CYC1: variants seen among roughly 807,000 people sequenced by gnomAD.
The protein encoded by CYC1 is cytochrome c1.
A neutral mutation model predicts 33.8 loss-of-function variants in CYC1; 10 were observed. The ratio of observed to expected loss-of-function variants is 0.30; its 90% confidence interval spans 0.18 to 0.50. CYC1 has a LOEUF of 0.50. Ranked by LOEUF, CYC1 falls within the 20% of genes least tolerant of loss-of-function variation. The pLI, the probability that CYC1 is intolerant of heterozygous loss-of-function variation, is 0.98. For synonymous variants in CYC1, 224 were observed against 181.9 expected (o/e 1.23, Z -1.86); for missense variants, 459 against 437.6 (o/e 1.05, Z -0.44).
rs368429357 is a variant in CYC1, at chr8:144,095,857, G to C, written c.154G>C (p.Gly52Arg). ...PQAVALSSKS[G>R]LSRGRKVMLS... The stretch of plus-strand genomic sequence containing the variant: ...GGCAGTGGCCTTGTCGTCGAAGTCT[G>C]GCCTTTCCCGAGGCCGGAAAGTGAT... Residue 52 changes from glycine to arginine, a missense_variant, in exon 2 of 7, where the codon GGC (glycine) becomes CGC (arginine). Physicochemically the swap from Gly to Arg is moderately radical, Grantham distance 125. Transcript: ENST00000318911. 4.8e-5 allele frequency: 77 copies of C among 1,608,478 alleles called. No individual in the cohort carries two copies. Among genetic ancestry groups the C allele is most frequent in the Non-Finnish European group, 6.4e-5 (75 of 1,179,774 alleles).
chr8:144,095,237 T>A lies in CYC1; in HGVS notation c.129+9T>A. ...CGCTACGGACACCTCAGGTGAGCGC[T>A]GGGCCGGGCCCCGGCCTCCGCGCGG... On this transcript the variant is annotated intron_variant, in intron 1 of 6. Coordinates refer to ENST00000318911, the MANE Select transcript of CYC1 (RefSeq NM_001916.5). 8.3e-7 allele frequency: 1 copy of A among 1,198,726 alleles called. No homozygotes were observed. Among genetic ancestry groups the A allele is most frequent in the Non-Finnish European group, 1.0e-6 (1 of 966,758 alleles). The allele number at this position is 1,198,726 out of a possible 1,614,324, so 74.3% of individuals were successfully genotyped here.
In CYC1 at chr8:144,095,126, C is replaced by G. The variant is rs1381782055; in HGVS notation, c.27C>G (p.Arg9=). The change falls in exon 1 of 7, where the codon CGC becomes CGG. Residue 9 remains arginine, a synonymous_variant. Transcript: ENST00000318911. ...TGGCGGCAGCTGCGGCTTCGCTTCGCGGGGTAGTGTTGGGCCCGCGGGGCG... is the reference window on the plus strand; with the variant it reads ...TGGCGGCAGCTGCGGCTTCGCTTCGGGGGGTAGTGTTGGGCCCGCGGGGCG... MAAAAASL[R]GVVLGPRGAG... 1.7e-6 allele frequency: 2 copies of G among 1,210,770 alleles called. No individual in the cohort carries two copies. The highest frequency in any genetic ancestry group is 2.1e-6 in the Non-Finnish European group (2 of 973,074). The allele number at this position is 1,210,770 out of a possible 1,614,324, so 75.0% of individuals were successfully genotyped here. A position where few individuals can be genotyped will look rare whatever the true frequency, so the allele number is the denominator to read the frequency against.
At chr8:144,095,307 G>C (rs1836127309) in intron 1 of CYC1, 79 bp downstream of exon 1, 2 of 1,143,104 alleles carry the variant, frequency 1.7e-6, no homozygotes, top group Non-Finnish European at 1.1e-6. Flanking sequence ...TGCGGGCGCG[G>C]GCCTGGGCAG....
intron 1 of CYC1, 143 bp from the exon 2 acceptor site, chr8:144,095,690 G>A: frequency 4.9e-6 from 4 of 808,814 alleles, no homozygotes; most frequent in Admixed American, 2.5e-5. Flanking sequence ...GGCGGAGAGG[G>A]ATGGGGTGGG....
In CYC1 at chr8:144,096,458, C is replaced by G. The variant is rs1235404684; in HGVS notation, c.575C>G (p.Ala192Gly). 1 of 1,614,158 alleles carries G rather than the reference C, an allele frequency of 6.2e-7. No individual in the cohort carries two copies. Among genetic ancestry groups the G allele is most frequent in the East Asian group, 2.2e-5 (1 of 44,870 alleles). ...SEAARAANNG[A>G]LPPDLSYIVR... Reference sequence around the variant, plus strand: ...GCTGCTCGAGCTGCCAACAACGGAGCATTGCCCCCTGACCTCAGCTACATC... The same window carrying G: ...GCTGCTCGAGCTGCCAACAACGGAGGATTGCCCCCTGACCTCAGCTACATC... Residue 192 changes from alanine (A) to glycine (G), a missense_variant, in exon 4 of 7, where the codon GCA becomes GGA. Coordinates refer to ENST00000318911, the MANE Select transcript of CYC1 (RefSeq NM_001916.5).
At position 144,096,437 on chromosome 8, in the gene CYC1, C is replaced by T. The variant is rs371001108; in HGVS notation, c.554C>T (p.Ala185Val). The T allele has an allele frequency of 1.2e-6, 2 of 1,614,034 alleles. No homozygotes were observed. Among genetic ancestry groups the T allele is most frequent in the Admixed American group, 1.7e-5 (1 of 60,006 alleles). Residue 185 changes from alanine (A) to valine (V), a missense_variant, in exon 4 of 7, where the codon GCT becomes GTT. By Grantham distance (64) the Ala-to-Val change is moderately conservative. Transcript: ENST00000318911. ...AAACCATACCCCAACAGTGAGGCTGCTCGAGCTGCCAACAACGGAGCATTG... is the reference window on the plus strand; with the variant it reads ...AAACCATACCCCAACAGTGAGGCTGTTCGAGCTGCCAACAACGGAGCATTG... ...FPKPYPNSEA[A>V]RAANNGALPP... is the part of the protein sequence containing the mutation.
intron 1 of CYC1, chr8:144,095,484 C>T (rs1836131081): frequency 2.3e-6 from 1 of 435,948 alleles, no homozygotes; most frequent in Non-Finnish European, 4.0e-6. Flanking sequence ...GGGGCTTTCC[C>T]GAATGGCGCG....
rs1261014559 is a variant in CYC1 at position 144,095,882 on chromosome 8, T to C, written c.179T>C (p.Met60Thr). ...KSGLSRGRKV[M>T]LSALGMLAAG... ...GGCCTTTCCCGAGGCCGGAAAGTGA[T>C]GCTGTCAGCGCTGGGCATGCTGGCG... The change falls in exon 2 of 7, where the codon ATG (methionine) becomes ACG (threonine). Residue 60 changes from methionine to threonine, a missense_variant. Physicochemically the swap from Met to Thr is moderately conservative, Grantham distance 81. Transcript: ENST00000318911. 2 of 1,609,234 alleles carry C rather than the reference T, an allele frequency of 1.2e-6. No homozygotes were observed. Among genetic ancestry groups the C allele is most frequent in the Middle Eastern group, 1.7e-4 (1 of 6,050 alleles).
At chr8:144,096,789 CACT>C (rs748861983) in intron 5 of CYC1, 45 bp downstream of exon 5, 1 of 19,970 alleles carries the variant, frequency 5.0e-5, no homozygotes, top group South Asian at 1.8e-3. Context: ...AATACTTCTC[CACT>C]ACCCCCAGGG....
Position 144,096,014 on chromosome 8 carries a change from C to A in CYC1, c.311C>A (p.Ser104Tyr), listed in dbSNP as rs1461673904. ...YPWSHRGLLS[S>Y]LDHTSIRRGF... ...TGGTCTCACCGTGGCCTCCTCTCTT[C>A]CTTGGACCACACCAGGTGTGCAGCT... is the stretch of plus-strand genomic sequence containing the variant. Residue 104 changes from serine to tyrosine, a missense_variant, in exon 2 of 7, where the codon TCC becomes TAC. Transcript: ENST00000318911. 1 of 1,604,628 alleles carries A rather than the reference C, an allele frequency of 6.2e-7. No individual in the cohort carries two copies. The highest frequency in any genetic ancestry group is 8.5e-7 in the Non-Finnish European group (1 of 1,178,164).
Position 144,095,218 on chromosome 8 carries a change from G to A in CYC1, c.119G>A (p.Arg40Gln), listed in dbSNP as rs1836125525. 1 of 1,200,624 alleles carries A rather than the reference G, an allele frequency of 8.3e-7. No individual in the cohort carries two copies. The highest frequency in any genetic ancestry group is 1.0e-6 in the Non-Finnish European group (1 of 967,304). The allele number at this position is 1,200,624 out of a possible 1,614,324, so 74.4% of individuals were successfully genotyped here. A position where few individuals can be genotyped will look rare whatever the true frequency, so the allele number is the denominator to read the frequency against. Residue 40 changes from arginine to glutamine, a missense_variant, in exon 1 of 7, where the codon CGG becomes CAG. Physicochemically the swap from Arg to Gln is conservative, Grantham distance 43. Transcript: ENST00000318911. ...GCGCGTCCCGGGCAGCTCCCGCTACGGACACCTCAGGTGAGCGCTGGGCCG... is the reference window on the plus strand; with the variant it reads ...GCGCGTCCCGGGCAGCTCCCGCTACAGACACCTCAGGTGAGCGCTGGGCCG... The part of the protein sequence containing the change: ...CSARPGQLPL[R>Q]TPQAVALSSK...
rs1564310415 is a variant in CYC1, at chr8:144,096,002, G to A, written c.299G>A (p.Gly100Asp). ...CCCAGCTATCCGTGGTCTCACCGTG[G>A]CCTCCTCTCTTCCTTGGACCACACC... ...HPPSYPWSHR[G>D]LLSSLDHTSI... is the part of the protein sequence containing the mutation. Residue 100 changes from glycine to aspartate, a missense_variant, in exon 2 of 7, where the codon GGC becomes GAC. By Grantham distance (94) the Gly-to-Asp change is moderately conservative. Coordinates refer to ENST00000318911, the MANE Select transcript of CYC1 (RefSeq NM_001916.5). 4.4e-6 allele frequency: 7 copies of A among 1,605,634 alleles called. No homozygotes were observed. The Admixed American group carries it at 6.7e-5, about 15-fold the overall frequency.
Position 144,095,161 on chromosome 8 carries a change from CG to C in CYC1, c.65del (p.Gly22AlafsTer38). ...VVLGPRGAGLPGARARGLLCS... is the reference protein window; with the variant it reads ...VVLGPRGAGLXGARARGLLCS... ...TTGGGCCCGCGGGGCGCGGGGCTCC[CG>C]GGCGCGCGTGCCCGGGGTCTGCTGT... On this transcript the variant is annotated frameshift_variant, in exon 1 of 7. Coordinates refer to ENST00000318911, the MANE Select transcript of CYC1 (RefSeq NM_001916.5). LOFTEE classifies it high-confidence loss of function. 8.3e-7 allele frequency: 1 copy of C among 1,209,822 alleles called. No individual in the cohort carries two copies. The highest frequency in any genetic ancestry group is 1.0e-6 in the Non-Finnish European group (1 of 973,084). The allele number at this position is 1,209,822 out of a possible 1,614,324, so 74.9% of individuals were successfully genotyped here. A position where few individuals can be genotyped will look rare whatever the true frequency, so the allele number is the denominator to read the frequency against.
At chr8:144,097,192 C>T in intron 6 of CYC1, 40 bp from the exon 7 acceptor site, 2 of 1,608,678 alleles carry the variant, frequency 1.2e-6, no homozygotes, top group Admixed American at 1.7e-5. Context: ...CTGGGCAGGG[C>T]TCCTCCCCAC....
At position 144,097,040 on chromosome 8, in the gene CYC1, C is replaced by T. The variant is rs762116945; in HGVS notation, c.779C>T (p.Pro260Leu). 36 of 1,605,614 alleles carry T rather than the reference C, an allele frequency of 2.2e-5. No individual in the cohort carries two copies. In the East Asian group the frequency reaches 7.6e-4, roughly 34 times the overall value. ...ACTGCTTGTCGTTGGCCAGGCACCC[C>T]AGCTACCATGTCCCAGATAGCCAAG... Reference protein sequence around the residue: ...TDVLEFDDGTPATMSQIAKDV... With the variant: ...TDVLEFDDGTLATMSQIAKDV... The change falls in exon 6 of 7, where the codon CCA becomes CTA. Residue 260 changes from proline to leucine, a missense_variant. By Grantham distance (98) the Pro-to-Leu change is moderately conservative. Transcript: ENST00000318911.
chr8:144,096,578 T>C lies in CYC1; in HGVS notation c.612-6T>C. On this transcript the variant is annotated splice_region_variant and splice_polypyrimidine_tract_variant and intron_variant, in intron 4 of 6. Transcript: ENST00000318911. ...TGGAACTAAGGAGCCATGGATCTGGTCCTAGGCATGGTGGTGAGGACTACG... is the reference window on the plus strand; with the variant it reads ...TGGAACTAAGGAGCCATGGATCTGGCCCTAGGCATGGTGGTGAGGACTACG... 1 of 1,614,010 alleles carries C rather than the reference T, an allele frequency of 6.2e-7. No individual in the cohort carries two copies. The highest frequency in any genetic ancestry group is 8.5e-7 in the Non-Finnish European group (1 of 1,179,970).
In CYC1 at chr8:144,097,227, TG is replaced by T. The variant is rs759722273; in HGVS notation, c.874-4del. On this transcript the variant is annotated splice_polypyrimidine_tract_variant and splice_region_variant and intron_variant, in intron 6 of 6. Coordinates refer to ENST00000318911, the MANE Select transcript of CYC1 (RefSeq NM_001916.5). ...CTCCCTTCTCTGAGCCTTCCTTGTCTGCAGATGTTGATGATGATGGCTCTGC... is the reference window on the plus strand; with the variant it reads ...CTCCCTTCTCTGAGCCTTCCTTGTCTCAGATGTTGATGATGATGGCTCTGC... 5.6e-6 allele frequency: 9 copies of T among 1,613,956 alleles called. No individual in the cohort carries two copies. The Admixed American group carries it at 1.0e-4, about 18-fold the overall frequency.
chr8:144,096,755 T>C lies in CYC1; in HGVS notation c.772+11T>C. 1 of 944,160 alleles carries C rather than the reference T, an allele frequency of 1.1e-6. No homozygotes were observed. Among genetic ancestry groups the C allele is most frequent in the Non-Finnish European group, 1.5e-6 (1 of 654,376 alleles). The allele number at this position is 944,160 out of a possible 1,614,324, so 58.5% of individuals were successfully genotyped here. Reference sequence around the variant, plus strand: ...TAGAGTTTGACGATGGTAAGAGGCCTCCAGTCTGGCAGTGGGCATGTGGAA... The same window carrying C: ...TAGAGTTTGACGATGGTAAGAGGCCCCCAGTCTGGCAGTGGGCATGTGGAA... On this transcript the variant is annotated intron_variant, in intron 5 of 6. Coordinates refer to ENST00000318911, the MANE Select transcript of CYC1 (RefSeq NM_001916.5).
intron 1 of CYC1, 147 bp from the exon 2 acceptor site, chr8:144,095,686 G>A (rs1462944965): frequency 1.3e-6 from 1 of 785,470 alleles, no homozygotes; most frequent in Admixed American, 2.5e-5. Flanking sequence ...CAGCGGCGGA[G>A]AGGGATGGGG....
Sources: allele counts gnomAD v4.1 joint callset, GRCh38; gene constraint gnomAD v4.1.1; transcripts MANE v1.5; gene names NCBI Gene and HGNC (gene_info 2026-07-23, HGNC 2026-07-21).